The following WDR70 variants were observed in gnomAD, a reference collection of about 807,000 sequenced individuals.
The protein encoded by WDR70 is WD repeat domain 70.
A neutral mutation model predicts 88.6 loss-of-function variants in WDR70; 53 were observed. That is an observed-to-expected ratio of 0.60 (90% CI 0.48 to 0.75). The LOEUF is 0.75. WDR70 is among the 30% of genes least tolerant of loss of function. The probability of loss-of-function intolerance (pLI) is 0.00; values close to 1 mark genes in which losing one functional copy is unlikely to be tolerated. For synonymous variants in WDR70, 280 were observed against 270.0 expected (o/e 1.04, Z -0.36); for missense variants, 610 against 823.2 (o/e 0.74, Z 3.17).
At chr5:37,622,055 T>G (rs1320731651) in intron 10 of WDR70, among the ~76,000 whole-genome samples, 2 of 152,178 alleles carry the variant, frequency 1.3e-5, no homozygotes, top group Admixed American at 6.5e-5. Context: ...GCGGCATTAT[T>G]TCTGCGGGCT....
intron 5 of WDR70, among the ~76,000 whole-genome samples, chr5:37,429,359 A>G (rs1220840649): frequency 6.6e-6 from 1 of 152,110 alleles, no homozygotes; most frequent in African/African-American, 2.4e-5. Flanking sequence ...AAATTTTGAT[A>G]AAATATGTCA....
In WDR70 at chr5:37,749,544, TC is replaced by T. The variant is rs914169981; in HGVS notation, c.1878-2940del. On this transcript the variant is annotated intron_variant, in intron 17 of 17. Coordinates refer to ENST00000265107, the MANE Select transcript of WDR70 (RefSeq NM_018034.4). ...TGAACCTGCACATTCTGCACATGTA[TC>T]CTGTTTTTTTTTAAGAAGAAAAAAA... 4.6e-4 allele frequency among the ~76,000 whole-genome samples: 70 copies of T among 150,586 alleles called. 1 individual carries two copies. The highest frequency in any genetic ancestry group is 1.7e-3 in the African/African-American group (68 of 40,096).
intron 8 of WDR70, among the ~76,000 whole-genome samples, chr5:37,505,309 G>A (rs1049031431): frequency 9.2e-5 from 14 of 151,892 alleles, no homozygotes; most frequent in African/African-American, 3.1e-4. Flanking sequence ...TTGGTTTTTT[G>A]GTTTTGAAGT....
rs1346573749 is a variant in WDR70, at chr5:37,479,815, T to A, written c.687-19T>A. 2 of 1,600,870 alleles carry A rather than the reference T, an allele frequency of 1.2e-6. No individual in the cohort carries two copies. ...ATTGTGCTTAGTATCTTACCAACTT[T>A]CCTTTTCTTTTCGTACAGCCATCAG... On this transcript the variant is annotated intron_variant, in intron 7 of 17. Coordinates refer to ENST00000265107, the MANE Select transcript of WDR70 (RefSeq NM_018034.4).
intron 5 of WDR70, among the ~76,000 whole-genome samples, chr5:37,418,534 A>G (rs1484744444): frequency 1.3e-5 from 2 of 151,966 alleles, no homozygotes; most frequent in Admixed American, 6.6e-5. Context: ...GTTAGCCAGG[A>G]TGGTAATCTC....
At chr5:37,446,022 T>C (rs1738466059) in intron 7 of WDR70, among the ~76,000 whole-genome samples, 1 of 152,186 alleles carries the variant, frequency 6.6e-6, no homozygotes, top group Non-Finnish European at 1.5e-5. Context: ...GATGACATGG[T>C]TGTATATTTA....
At chr5:37,696,310 AAT>A (rs1417786920) in intron 10 of WDR70, among the ~76,000 whole-genome samples, 1 of 152,226 alleles carries the variant, frequency 6.6e-6, no homozygotes, top group East Asian at 1.9e-4. Context: ...GTTTTCACTC[AAT>A]ATATACAGAT....
intron 5 of WDR70, among the ~76,000 whole-genome samples, chr5:37,406,665 A>G (rs973088223): frequency 2.6e-5 from 4 of 152,248 alleles, no homozygotes; most frequent in Admixed American, 2.6e-4. Context: ...GTTCAGTGTT[A>G]GCTATTATCA....
At chr5:37,522,029 T>C (rs1741108908) in intron 9 of WDR70, among the ~76,000 whole-genome samples, 1 of 152,144 alleles carries the variant, frequency 6.6e-6, no homozygotes, top group African/African-American at 2.4e-5. Context: ...CCCACCAACA[T>C]CTATTATTTT....
chr5:37,423,809 G>A (rs1168548068), intron 5 of WDR70, among the ~76,000 whole-genome samples: 2 of 145,182 alleles, frequency 1.4e-5, no homozygotes, highest in East Asian at 2.2e-4. Flanking sequence ...TGGTCCGCCC[G>A]CCTCGGCCTC....
chr5:37,669,098 C>T (rs1561060019), intron 10 of WDR70, among the ~76,000 whole-genome samples: 2 of 152,286 alleles, frequency 1.3e-5, no homozygotes, highest in Non-Finnish European at 1.5e-5. Context: ...TGAGGTCATA[C>T]ATGTTTTCCC....
At chr5:37,405,455 T>G (rs1749324700) in intron 5 of WDR70, among the ~76,000 whole-genome samples, 1 of 151,980 alleles carries the variant, frequency 6.6e-6, no homozygotes, top group African/African-American at 2.4e-5. Flanking sequence ...GTTCAAGCGA[T>G]TCTCCTGCCT....
At chr5:37,399,651 C>T (rs1749136952) in intron 5 of WDR70, among the ~76,000 whole-genome samples, 1 of 152,062 alleles carries the variant, frequency 6.6e-6, no homozygotes. Context: ...TTTCTTTTGG[C>T]ATCCATAGAA....
intron 10 of WDR70, among the ~76,000 whole-genome samples, chr5:37,650,936 C>T (rs1220891011): frequency 6.6e-6 from 1 of 151,176 alleles, no homozygotes; most frequent in Non-Finnish European, 1.5e-5. Context: ...AACTTCCTTT[C>T]AGAACTTCAA....
At chr5:37,730,558 C>T (rs1349415313) in intron 17 of WDR70, among the ~76,000 whole-genome samples, 2 of 151,984 alleles carry the variant, frequency 1.3e-5, no homozygotes, top group African/African-American at 2.4e-5. Flanking sequence ...CATAGTACTC[C>T]GTTGTACGAA....
intron 8 of WDR70, among the ~76,000 whole-genome samples, chr5:37,499,118 CTT>C (rs1249708604): frequency 3.5e-5 from 5 of 144,606 alleles, no homozygotes; most frequent in Admixed American, 1.4e-4. Flanking sequence ...GTTTGTCATT[CTT>C]TTTTTTTTTT....
intron 10 of WDR70, among the ~76,000 whole-genome samples, chr5:37,624,766 C>G (rs557578563): frequency 6.6e-6 from 1 of 152,000 alleles, no homozygotes; most frequent in East Asian, 1.9e-4. Flanking sequence ...TATGATTGGA[C>G]AAAAAGGGGT....
chr5:37,728,662 G>T (rs1325212579), intron 17 of WDR70, among the ~76,000 whole-genome samples: 4 of 152,056 alleles, frequency 2.6e-5, no homozygotes, highest in African/African-American at 9.7e-5. Context: ...TCTTATTACT[G>T]GTGATGCTAA....
chr5:37,429,878 A>G (rs1344483559), intron 5 of WDR70, among the ~76,000 whole-genome samples: 1 of 152,234 alleles, frequency 6.6e-6, no homozygotes, highest in Non-Finnish European at 1.5e-5. Flanking sequence ...AAATTTGTAC[A>G]GAACTGCCTG....
Sources: allele counts gnomAD v4.1 joint callset (sites outside exome capture counted in the v4.1 genomes callset), GRCh38; gene constraint gnomAD v4.1.1; transcripts MANE v1.5; gene names NCBI Gene and HGNC (gene_info 2026-07-23, HGNC 2026-07-21).